The following CSMD3 variants were observed in gnomAD, a reference collection of about 807,000 sequenced individuals.
CSMD3 encodes CUB and Sushi multiple domains 3.
Under a neutral mutation model 435.2 loss-of-function variants are expected in CSMD3, and 177 were observed. That is an observed-to-expected ratio of 0.41 (90% CI 0.36 to 0.46). CSMD3 has a LOEUF of 0.46. Among genes scored for constraint, CSMD3 ranks in the 20% least tolerant of loss-of-function variants. The probability of loss-of-function intolerance (pLI) is 0.34; values close to 1 mark genes in which losing one functional copy is unlikely to be tolerated. For missense variants in CSMD3, 4,265 were observed against 4,504.6 expected (o/e 0.95, Z 1.52); for synonymous variants, 1,656 against 1,520.5 (o/e 1.09, Z -2.07).
intron 38 of CSMD3, among the ~76,000 whole-genome samples, chr8:112,360,467 T>C (rs1442424455): frequency 6.6e-6 from 1 of 151,964 alleles, no homozygotes; most frequent in East Asian, 1.9e-4. Flanking sequence ...CAAAACTCTA[T>C]AAACTAGGTA....
rs1225820633 is a variant in CSMD3, at chr8:112,662,721, T to C, written c.2816+3556A>G. On this transcript the variant is annotated intron_variant, in intron 17 of 70. Coordinates refer to ENST00000297405, the MANE Select transcript of CSMD3 (RefSeq NM_198123.2). ...TTCTGCACAGCAAAAGAAACTACAA[T>C]CAGAGTGAACAGGCAACCTACAGAA... Among the ~76,000 whole-genome samples the C allele has an allele frequency of 2.6e-5, 4 of 151,954 alleles. No homozygotes were observed. The East Asian group carries it at 5.8e-4, about 22-fold the overall frequency.
At chr8:112,864,352 G>A (rs1190544946) in intron 10 of CSMD3, among the ~76,000 whole-genome samples, 7 of 151,852 alleles carry the variant, frequency 4.6e-5, no homozygotes, top group South Asian at 4.1e-4. Flanking sequence ...AGGTTCAAGC[G>A]ATTCTCCTGC....
At chr8:113,010,253 T>C (rs1204453512) in intron 6 of CSMD3, among the ~76,000 whole-genome samples, 1 of 151,676 alleles carries the variant, frequency 6.6e-6, no homozygotes, top group African/African-American at 2.4e-5. Flanking sequence ...GTGCATCCCA[T>C]CACTTTTAAG....
At chr8:112,393,842 C>T (rs1242078751) in intron 35 of CSMD3, among the ~76,000 whole-genome samples, 1 of 151,970 alleles carries the variant, frequency 6.6e-6, no homozygotes, top group Non-Finnish European at 1.5e-5. Flanking sequence ...AACATCAGAA[C>T]ACCATACTCT....
chr8:113,157,292 T>TA (rs1369737188), intron 4 of CSMD3, among the ~76,000 whole-genome samples: 1 of 152,106 alleles, frequency 6.6e-6, no homozygotes, highest in Non-Finnish European at 1.5e-5. Context: ...CTGCTTTGAC[T>TA]ATAAAGCTCA....
chr8:112,373,554 AC>A (rs1828653731), intron 38 of CSMD3, among the ~76,000 whole-genome samples: 1 of 149,396 alleles, frequency 6.7e-6, no homozygotes, highest in Non-Finnish European at 1.5e-5. Flanking sequence ...TGCATTAAAA[AC>A]ACAGTTTTCT....
intron 16 of CSMD3, among the ~76,000 whole-genome samples, chr8:112,672,131 G>A (rs1359567100): frequency 2.0e-5 from 3 of 152,034 alleles, no homozygotes; most frequent in African/African-American, 7.2e-5. Flanking sequence ...ATATAGGGCA[G>A]GGACAGGTAC....
chr8:113,278,829 T>G, intron 2 of CSMD3, 125 bp from the exon 3 acceptor site: 1 of 630,938 alleles, frequency 1.6e-6, no homozygotes, highest in South Asian at 1.6e-5. Context: ...CCAGAAGGAA[T>G]GCTATCCAGC....
At chr8:113,284,561 GAAC>G (rs1181888367) in intron 2 of CSMD3, among the ~76,000 whole-genome samples, 1 of 151,972 alleles carries the variant, frequency 6.6e-6, no homozygotes, top group African/African-American at 2.4e-5. Context: ...ATCTTTCTAG[GAAC>G]AACAATATAG....
chr8:112,339,192 G>A (rs1040009564), intron 42 of CSMD3, among the ~76,000 whole-genome samples: 5 of 152,018 alleles, frequency 3.3e-5, no homozygotes, highest in Middle Eastern at 3.4e-3. Context: ...CCGAGTCCTC[G>A]TTTGCACAGA....
chr8:112,443,021 C>T (rs568805613), intron 32 of CSMD3, among the ~76,000 whole-genome samples: 3 of 152,260 alleles, frequency 2.0e-5, no homozygotes, highest in African/African-American at 7.2e-5. Context: ...AGTCTCTATC[C>T]TAATAATATA....
chr8:112,423,508 G>A (rs1812733414), intron 32 of CSMD3, among the ~76,000 whole-genome samples: 1 of 152,126 alleles, frequency 6.6e-6, no homozygotes, highest in East Asian at 1.9e-4. Context: ...AGAGTGCAGT[G>A]GTGTGATCCT....
chr8:112,263,397 C>T (rs1055252966), intron 61 of CSMD3, among the ~76,000 whole-genome samples: 2 of 151,960 alleles, frequency 1.3e-5, no homozygotes, highest in Non-Finnish European at 2.9e-5. Context: ...AAGGCTGTCT[C>T]TAATTTGAGA....
At chr8:112,778,030 T>C (rs962278998) in intron 13 of CSMD3, among the ~76,000 whole-genome samples, 7 of 151,876 alleles carry the variant, frequency 4.6e-5, no homozygotes, top group African/African-American at 1.7e-4. Context: ...GAAGTAGTAA[T>C]GACTACTTTT....
intron 10 of CSMD3, among the ~76,000 whole-genome samples, chr8:112,888,764 C>G (rs942111480): frequency 6.6e-6 from 1 of 151,728 alleles, no homozygotes; most frequent in East Asian, 2.0e-4. Flanking sequence ...AGGCCACTCA[C>G]GTTCACAGAT....
At chr8:112,417,156 G>A (rs924214749) in intron 32 of CSMD3, among the ~76,000 whole-genome samples, 3 of 152,126 alleles carry the variant, frequency 2.0e-5, no homozygotes, top group Non-Finnish European at 4.4e-5. Flanking sequence ...GCAGATTTAG[G>A]AAGATTAATG....
chr8:113,267,739 C>T (rs1157465247), intron 3 of CSMD3, among the ~76,000 whole-genome samples: 2 of 151,476 alleles, frequency 1.3e-5, no homozygotes, highest in Non-Finnish European at 3.0e-5. Context: ...GATGGCCACC[C>T]TAAATATCTG....
chr8:113,345,545 A>C (rs570837525), intron 1 of CSMD3, among the ~76,000 whole-genome samples: 1 of 152,248 alleles, frequency 6.6e-6, no homozygotes, highest in African/African-American at 2.4e-5. Flanking sequence ...AGCAATGAGA[A>C]GTTCCCCTTA....
chr8:112,859,301 A>G (rs1223407486), intron 10 of CSMD3, 35 bp from the exon 11 acceptor site: 2 of 1,578,840 alleles, frequency 1.3e-6, no homozygotes, highest in Admixed American at 1.7e-5. Context: ...AGATGAACAT[A>G]TGTCACATGT....
Sources: allele counts gnomAD v4.1 joint callset (sites outside exome capture counted in the v4.1 genomes callset), GRCh38; gene constraint gnomAD v4.1.1; transcripts MANE v1.5; gene names NCBI Gene and HGNC (gene_info 2026-07-23, HGNC 2026-07-21).